Variants in SLFN12L observed in about 807,000 individuals in gnomAD.
SLFN12L encodes the protein schlafen family member 12 like.
Under a neutral mutation model 34.8 loss-of-function variants are expected in SLFN12L, and 34 were observed. That is an observed-to-expected ratio of 0.98 (90% CI 0.74 to 1.30). SLFN12L has a LOEUF of 1.30. SLFN12L is among the 50% of genes most tolerant of loss of function. The pLI is 0.00. For missense variants in SLFN12L, 703 were observed against 696.2 expected (o/e 1.01, Z -0.11); for synonymous variants, 259 against 247.5 (o/e 1.05, Z -0.44).
rs754943174 is a variant in SLFN12L at position 35,475,453 on chromosome 17, T to C, written c.1309A>G (p.Thr437Ala). The change falls in exon 5 of 5, where the codon ACC becomes GCC. Residue 437 changes from threonine to alanine, a missense_variant. Thr to Ala is a moderately conservative substitution (Grantham distance 58). Coordinates refer to ENST00000628453, the MANE Select transcript of SLFN12L (RefSeq NM_001363830.2). ...LSEKITCAPK[T>A]FCRNLFSQHE... ...TGTGAGAACAGATTTCTGCAGAAGGTTTTTGGAGCACAAGTTATCTTTTCT... is the reference window on the plus strand; with the variant it reads ...TGTGAGAACAGATTTCTGCAGAAGGCTTTTGGAGCACAAGTTATCTTTTCT... 3 of 1,611,102 alleles carry C rather than the reference T, an allele frequency of 1.9e-6. No individual in the cohort carries two copies. In the Admixed American group the frequency reaches 5.1e-5, roughly 27 times the overall value.
rs1913870753 is a variant in SLFN12L at position 35,474,598 on chromosome 17, A to G, written c.*325T>C. The G allele has an allele frequency of 4.3e-6, 1 of 231,740 alleles. No homozygotes were observed. The highest frequency in any genetic ancestry group is 8.5e-6 in the Non-Finnish European group (1 of 117,188). 14.4% of individuals were successfully genotyped at this position (231,740 alleles called of 1,614,324 possible). On this transcript the variant is annotated 3_prime_UTR_variant, in exon 5 of 5. Coordinates refer to ENST00000628453, the MANE Select transcript of SLFN12L (RefSeq NM_001363830.2). ...ATACTGATTATCTGGGAGATGCTGGAAATGTCAAAGGCTAATTGGTCTATA... is the reference window on the plus strand; with the variant it reads ...ATACTGATTATCTGGGAGATGCTGGGAATGTCAAAGGCTAATTGGTCTATA...
intron 1 of SLFN12L, among the ~76,000 whole-genome samples, chr17:35,527,000 G>A (rs1252448004): frequency 6.6e-6 from 1 of 151,378 alleles, no homozygotes; most frequent in Non-Finnish European, 1.5e-5. Context: ...GAATCAAATA[G>A]ATGCAATAAA....
chr17:35,528,570 C>A (rs1387837513), intron 1 of SLFN12L, among the ~76,000 whole-genome samples: 1 of 152,100 alleles, frequency 6.6e-6, no homozygotes, highest in Non-Finnish European at 1.5e-5. Context: ...TCTGACAAAC[C>A]TAACAAAAAC....
At chr17:35,500,911 G>A (rs1915272332) in intron 2 of SLFN12L, among the ~76,000 whole-genome samples, 2 of 152,134 alleles carry the variant, frequency 1.3e-5, no homozygotes, top group Non-Finnish European at 2.9e-5. Context: ...CTTTCACGCA[G>A]ACTCCCTTGG....
intron 1 of SLFN12L, among the ~76,000 whole-genome samples, chr17:35,534,659 T>G (rs1463072400): frequency 6.6e-6 from 1 of 152,166 alleles, no homozygotes; most frequent in Admixed American, 6.5e-5. Context: ...GTCTATTATT[T>G]CAATTGCTCC....
chr17:35,487,238 G>T (rs1424561190), intron 2 of SLFN12L, among the ~76,000 whole-genome samples: 1 of 152,254 alleles, frequency 6.6e-6, no homozygotes, highest in African/African-American at 2.4e-5. Context: ...ACCGCGCCCG[G>T]CCGCCCTGCG....
Position 35,468,762 on chromosome 17 carries a change from A to G in SLFN12L, c.*6161T>C, listed in dbSNP as rs984476076. Among the ~76,000 whole-genome samples the G allele has an allele frequency of 2.6e-5, 4 of 152,156 alleles. No individual in the cohort carries two copies. The highest frequency in any genetic ancestry group is 1.9e-4 in the East Asian group (1 of 5,192). Reference sequence around the variant, plus strand: ...GGGCCAAGCACAGTGACTCATGCCTATAATTCCAGCACTTTGGGAGGCTGA... The same window carrying G: ...GGGCCAAGCACAGTGACTCATGCCTGTAATTCCAGCACTTTGGGAGGCTGA... On this transcript the variant is annotated 3_prime_UTR_variant, in exon 5 of 5. Coordinates refer to ENST00000628453, the MANE Select transcript of SLFN12L (RefSeq NM_001363830.2).
In SLFN12L at chr17:35,479,305, T is replaced by C. The variant is rs1308102052; in HGVS notation, c.977A>G (p.Asn326Ser). ...TACTCCAAGGAATTTGCATAAGTAATTTATCGTCCCCTTCTCCACACAGAA... is the reference window on the plus strand; with the variant it reads ...TACTCCAAGGAATTTGCATAAGTAACTTATCGTCCCCTTCTCCACACAGAA... ...HHFCVEKGTINYLCKFLGVYD... is the reference protein window; with the variant it reads ...HHFCVEKGTISYLCKFLGVYD... The change falls in exon 3 of 5, where the codon AAT (asparagine) becomes AGT (serine). Residue 326 changes from asparagine (N) to serine (S), a missense_variant. By Grantham distance (46) the Asn-to-Ser change is conservative. Transcript: ENST00000628453. The C allele has an allele frequency of 6.3e-7, 1 of 1,587,200 alleles. No homozygotes were observed. The highest frequency in any genetic ancestry group is 1.8e-5 in the Admixed American group (1 of 55,962).
Position 35,498,174 on chromosome 17 carries a change from G to A in SLFN12L, c.87-17979C>T, listed in dbSNP as rs1226074525. On this transcript the variant is annotated intron_variant, in intron 2 of 4. Coordinates refer to ENST00000628453, the MANE Select transcript of SLFN12L (RefSeq NM_001363830.2). Reference sequence around the variant, plus strand: ...GAGGCGGAAGCATCTCGATCCGGGAGGCGGCGGCGTGGGGAGCCGGGGCCG... The same window carrying A: ...GAGGCGGAAGCATCTCGATCCGGGAAGCGGCGGCGTGGGGAGCCGGGGCCG... 12 of 296,592 alleles carry A rather than the reference G, an allele frequency of 4.0e-5. No homozygotes were observed. The Admixed American group carries it at 6.4e-4, about 16-fold the overall frequency. The allele number at this position is 296,592 out of a possible 1,614,324, so 18.4% of individuals were successfully genotyped here.
intron 1 of SLFN12L, among the ~76,000 whole-genome samples, chr17:35,526,860 G>A (rs2072340480): frequency 6.6e-6 from 1 of 151,872 alleles, no homozygotes; most frequent in South Asian, 2.1e-4. Context: ...ACTAAGATCA[G>A]AGCATAAATG....
chr17:35,472,738 G>A lies in SLFN12L; in HGVS notation c.*2185C>T, dbSNP rs1432515549. On this transcript the variant is annotated 3_prime_UTR_variant, in exon 5 of 5. Coordinates refer to ENST00000628453, the MANE Select transcript of SLFN12L (RefSeq NM_001363830.2). ...TAACATTGAATCTATAAATTACTTT[G>A]GGCAATATGGCCATTTTCATGATAT... is the stretch of plus-strand genomic sequence containing the variant. Among the ~76,000 whole-genome samples, 1 of 152,100 alleles carries A rather than the reference G, an allele frequency of 6.6e-6. No homozygotes were observed.
chr17:35,515,491 C>T (rs1028270688), intron 2 of SLFN12L, among the ~76,000 whole-genome samples: 24 of 151,964 alleles, frequency 1.6e-4, no homozygotes, highest in Non-Finnish European at 7.4e-5. Context: ...TTTTTGAGAC[C>T]TATTCTCGTT....
chr17:35,494,217 G>A (rs1245446447), intron 2 of SLFN12L, among the ~76,000 whole-genome samples: 3 of 135,614 alleles, frequency 2.2e-5, no homozygotes, highest in Non-Finnish European at 4.9e-5. Flanking sequence ...AAGAAAATAT[G>A]TAATATAATG....
chr17:35,508,503 T>A (rs144010315), intron 2 of SLFN12L, among the ~76,000 whole-genome samples: 1 of 152,180 alleles, frequency 6.6e-6, no homozygotes, highest in Non-Finnish European at 1.5e-5. Flanking sequence ...CCCGCCACCA[T>A]GCTGAGCCAA....
intron 4 of SLFN12L, among the ~76,000 whole-genome samples, chr17:35,476,454 CAAGG>C (rs59968985): frequency 0.17 from 18,265 of 105,056 alleles, 1,622 homozygotes; most frequent in East Asian, 0.2. Flanking sequence ...GAAAAGAAAG[CAAGG>C]AAGGAAGGAA....
At chr17:35,475,616 G>T (rs901994034) in intron 4 of SLFN12L, 131 bp from the exon 5 acceptor site, 4 of 1,379,564 alleles carry the variant, frequency 2.9e-6, no homozygotes, top group Admixed American at 2.9e-5. Context: ...AAGTGTATCA[G>T]GGCCAGGCAT....
chr17:35,486,606 A>C (rs1914592509), intron 2 of SLFN12L, among the ~76,000 whole-genome samples: 1 of 152,162 alleles, frequency 6.6e-6, no homozygotes, highest in Non-Finnish European at 1.5e-5. Context: ...ATAAATAAAT[A>C]AATAAAAACG....
At position 35,498,550 on chromosome 17, in the gene SLFN12L, CA is replaced by C; in HGVS notation, c.87-18356del. 3.5e-6 allele frequency: 5 copies of C among 1,418,792 alleles called. No homozygotes were observed. In the South Asian group the frequency reaches 4.6e-5, roughly 13 times the overall value. 87.9% of individuals were successfully genotyped at this position (1,418,792 alleles called of 1,614,324 possible). On this transcript the variant is annotated intron_variant, in intron 2 of 4. Coordinates refer to ENST00000628453, the MANE Select transcript of SLFN12L (RefSeq NM_001363830.2). ...CATCTCAGCCTGGTCCAGAACAGTCCAAAAAGTACAGTGGAAAGTTTTTACA... is the reference window on the plus strand; with the variant it reads ...CATCTCAGCCTGGTCCAGAACAGTCCAAAAGTACAGTGGAAAGTTTTTACA...
At chr17:35,497,181 A>G (rs983099921) in intron 2 of SLFN12L, among the ~76,000 whole-genome samples, 1 of 152,192 alleles carries the variant, frequency 6.6e-6, no homozygotes, top group Non-Finnish European at 1.5e-5. Flanking sequence ...ACCTTAGGTC[A>G]GGAGTTCCAG....
Sources: gnomAD v4.1 joint callset for allele counts (sites outside exome capture counted in the v4.1 genomes callset) on GRCh38, gnomAD v4.1.1 for gene constraint, MANE v1.5 for transcripts, NCBI Gene and HGNC (gene_info 2026-07-23, HGNC 2026-07-21) for gene names.